The following IDH2 variants were observed in gnomAD, a reference collection of about 807,000 sequenced individuals.
IDH2 encodes isocitrate dehydrogenase (NADP(+)) 2, also known as isocitrate dehydrogenase [NADP], mitochondrial.
In IDH2, 18 loss-of-function variants were observed where a neutral mutation model predicts 50.5. The observed-to-expected ratio is 0.36, with a 90% CI of 0.25 to 0.53. The LOEUF (loss-of-function observed/expected upper bound fraction) is 0.53, where lower values mean the gene tolerates loss of function less well. Ranked by LOEUF, IDH2 falls within the 20% of genes least tolerant of loss-of-function variation. IDH2 has a pLI of 0.92. For synonymous variants in IDH2, 280 were observed against 239.8 expected (o/e 1.17, Z -1.55); for missense variants, 518 against 610.7 (o/e 0.85, Z 1.60).
chr15:90,084,280 G>C lies in IDH2; in HGVS notation c.1345C>G (p.Leu449Val). 1 of 1,613,980 alleles carries C rather than the reference G, an allele frequency of 6.2e-7. No homozygotes were observed. The highest frequency in any genetic ancestry group is 1.7e-4 in the Middle Eastern group (1 of 6,004). ...GGCGCCTCCCCCTACTGCCTGCCCAGGGCTCTGTCCAGGTTGCTCTTGATG... is the reference window on the plus strand; with the variant it reads ...GGCGCCTCCCCCTACTGCCTGCCCACGGCTCTGTCCAGGTTGCTCTTGATG... ...DTIKSNLDRA[L>V]GRQ Residue 449 changes from leucine (L) to valine (V), a missense_variant, in exon 11 of 11, where the codon CTG becomes GTG. By Grantham distance (32) the Leu-to-Val change is conservative (BLOSUM62 1). Transcript: ENST00000330062. The surrounding 1 kb of genome is among the most constrained non-coding windows in gnomAD (Gnocchi z 5.0).
Position 90,084,821 on chromosome 15 carries a change from G to A in IDH2, c.1266C>T (p.Leu422=), listed in dbSNP as rs202133711. 2.5e-6 allele frequency: 4 copies of A among 1,613,460 alleles called. No individual in the cohort carries two copies. In the African/African-American group the frequency reaches 4.0e-5, roughly 16 times the overall value. ...TACCACCCCAGGCCACGCACTTGCT[G>A]AGGCCGTGAATGCAGCCCGCCAGGT... ...TKDLAGCIHG[L]SNVKLNEHFL... is the part of the protein sequence containing the mutation. Residue 422 remains leucine (L), a synonymous_variant, in exon 10 of 11, where the codon CTC becomes CTT. Transcript: ENST00000330062. This position sits in a 1 kb window ranked among gnomAD's most constrained non-coding sequence, Gnocchi z 5.0.
At position 90,085,490 on chromosome 15, in the gene IDH2, G is replaced by T. The variant is rs528551726; in HGVS notation, c.968-103C>A. On this transcript the variant is annotated intron_variant, in intron 7 of 10. Transcript: ENST00000330062. This position sits in a 1 kb window ranked among gnomAD's most constrained non-coding sequence, Gnocchi z 5.5. ...CCCAATATTGTAGCTGCCATAGTTC[G>T]TGGCTCTACTCAGCCTCCCCCAGCT... 1.6e-5 allele frequency: 13 copies of T among 833,676 alleles called. No homozygotes were observed. The highest frequency in any genetic ancestry group is 2.4e-5 in the Non-Finnish European group (12 of 501,828). The allele number at this position is 833,676 out of a possible 1,614,324, so 51.6% of individuals were successfully genotyped here. A position where few individuals can be genotyped will look rare whatever the true frequency, so the allele number is the denominator to read the frequency against.
rs761847749 is a variant in IDH2 at position 90,087,260 on chromosome 15, G to A, written c.819C>T (p.His273=). 3.1e-6 allele frequency: 5 copies of A among 1,614,162 alleles called. No homozygotes were observed. The highest frequency in any genetic ancestry group is 1.3e-5 in the African/African-American group (1 of 75,038). The change falls in exon 7 of 11, where the codon CAC becomes CAT. Residue 273 remains histidine (H), a synonymous_variant. Coordinates refer to ENST00000330062, the MANE Select transcript of IDH2 (RefSeq NM_002168.4). Reference sequence around the variant, plus strand: ...TATTCTTGTCGAAGTCGGTCTTATAGTGCCTGGGAGTAAAAAGGTCTGTTA... The same window carrying A: ...TATTCTTGTCGAAGTCGGTCTTATAATGCCTGGGAGTAAAAAGGTCTGTTA... ...KDIFQEIFDK[H]YKTDFDKNKI... is the part of the protein sequence containing the mutation.
At position 90,098,666 on chromosome 15, in the gene IDH2, CCT is replaced by C. The variant is rs58918006; in HGVS notation, c.115+3608_115+3609del. On this transcript the variant is annotated intron_variant, in intron 1 of 10. Coordinates refer to ENST00000330062, the MANE Select transcript of IDH2 (RefSeq NM_002168.4). The surrounding 1 kb of genome is among the most constrained non-coding windows in gnomAD (Gnocchi z 5.1). ...TTCAGGCAATTCTCCTGCCTCAGCC[CCT>C]GAGTAGCTGGGACTACAGGCGCCTG... Among the ~76,000 whole-genome samples, 49,110 of 151,690 alleles carry C rather than the reference CCT, an allele frequency of 0.32. 9,040 individuals are homozygous for C. The highest frequency in any genetic ancestry group is 0.51 in the African/African-American group (20,888 of 41,266).
rs1035421248 is a variant in IDH2, at chr15:90,098,944, C to T, written c.115+3332G>A. ...CAGAAGCCACCCTCAGACAAGCCCA[C>T]CCTTGCCATAAGTGAGTGCCTGCTG... On this transcript the variant is annotated intron_variant, in intron 1 of 10. Transcript: ENST00000330062. The surrounding 1 kb of genome is among the most constrained non-coding windows in gnomAD (Gnocchi z 5.1). Among the ~76,000 whole-genome samples the T allele has an allele frequency of 2.6e-5, 4 of 152,148 alleles. No individual in the cohort carries two copies. Among genetic ancestry groups the T allele is most frequent in the Non-Finnish European group, 4.4e-5 (3 of 68,022 alleles).
intron 1 of IDH2, 116 bp from the exon 2 acceptor site, chr15:90,091,760 C>G: frequency 1.2e-6 from 1 of 850,052 alleles, no homozygotes; most frequent in Non-Finnish European, 2.0e-6. Flanking sequence ...AGGGCTCCAG[C>G]TGCCCGGTGT....
At chr15:90,093,676 A>G (rs1340843383) in intron 1 of IDH2, among the ~76,000 whole-genome samples, 1 of 152,054 alleles carries the variant, frequency 6.6e-6, no homozygotes. Flanking sequence ...CTGGAATGCA[A>G]TGGCGTGATC....
At chr15:90,092,038 G>A (rs1254765222) in intron 1 of IDH2, among the ~76,000 whole-genome samples, 3 of 152,148 alleles carry the variant, frequency 2.0e-5, no homozygotes, top group African/African-American at 7.2e-5. Context: ...TCTAATGCCT[G>A]ATGATCTGTC....
In IDH2 at chr15:90,087,462, G is replaced by T; in HGVS notation, c.792C>A (p.Asp264Glu). 6.2e-7 allele frequency: 1 copy of T among 1,614,204 alleles called. No individual in the cohort carries two copies. The highest frequency in any genetic ancestry group is 2.2e-5 in the East Asian group (1 of 44,884). ...ACTTGTCAAAGATCTCCTGGAAGAT[G>T]TCCTTGAAACGCCCATCGTAGGCTT... is the stretch of plus-strand genomic sequence containing the variant. ...ILKAYDGRFK[D>E]IFQEIFDKHY... The change falls in exon 6 of 11, where the codon GAC becomes GAA. Residue 264 changes from aspartate to glutamate, a missense_variant. By Grantham distance (45) the Asp-to-Glu change is conservative. Around this residue, in one of 5 missense-constraint regions of IDH2, gnomAD observed 207 missense variants for 208.6 expected, o/e 0.99. Transcript: ENST00000330062.
At chr15:90,101,137 G>T (rs1455935036) in intron 1 of IDH2, among the ~76,000 whole-genome samples, 1 of 152,040 alleles carries the variant, frequency 6.6e-6, no homozygotes, top group African/African-American at 2.4e-5. Flanking sequence ...TTTCTCCTTG[G>T]CAGGGAAGGT....
chr15:90,097,321 C>T (rs1490784901), intron 1 of IDH2, among the ~76,000 whole-genome samples: 2 of 152,124 alleles, frequency 1.3e-5, no homozygotes, highest in African/African-American at 4.8e-5. Flanking sequence ...TCTTACTGTT[C>T]CTAATTCATA....
At chr15:90,093,444 C>T (rs1429283256) in intron 1 of IDH2, among the ~76,000 whole-genome samples, 3 of 152,144 alleles carry the variant, frequency 2.0e-5, no homozygotes, top group Non-Finnish European at 4.4e-5. Context: ...TTGCGTGCAA[C>T]CCAAGAGCCC....
intron 1 of IDH2, among the ~76,000 whole-genome samples, chr15:90,101,920 TC>T (rs921505914): frequency 9.2e-5 from 14 of 151,700 alleles, no homozygotes; most frequent in African/African-American, 2.2e-4. Flanking sequence ...GGTGCTCGTC[TC>T]GTTCCAGGGG....
intron 1 of IDH2, among the ~76,000 whole-genome samples, chr15:90,093,855 G>C (rs1381527258): frequency 6.6e-6 from 1 of 152,124 alleles, no homozygotes; most frequent in African/African-American, 2.4e-5. Context: ...CCTAGCCTCA[G>C]GTGATCCACC....
rs571080145 is a variant in IDH2 at position 90,084,193 on chromosome 15, C to A, written c.*73G>T. The stretch of plus-strand genomic sequence containing the variant: ...TCCAGAGAGGGGCTGTGAGGCTCAC[C>A]CTCTGCCGCGCTCAGGAGGACCCGC... On this transcript the variant is annotated 3_prime_UTR_variant, in exon 11 of 11. Transcript: ENST00000330062. This position sits in a 1 kb window ranked among gnomAD's most constrained non-coding sequence, Gnocchi z 5.0. 5.6e-6 allele frequency: 7 copies of A among 1,244,950 alleles called. No homozygotes were observed. In the Admixed American group the frequency reaches 9.1e-5, roughly 16 times the overall value. The allele number at this position is 1,244,950 out of a possible 1,614,324, so 77.1% of individuals were successfully genotyped here.
intron 3 of IDH2, among the ~76,000 whole-genome samples, chr15:90,089,518 C>G (rs1900975879): frequency 6.6e-6 from 1 of 152,198 alleles, no homozygotes; most frequent in Non-Finnish European, 1.5e-5. Context: ...CTGTGACCCT[C>G]TCCTGCCTTG....
rs1900782188 is a variant in IDH2 at position 90,083,758 on chromosome 15, A to C, written c.*508T>G. The C allele has an allele frequency of 5.0e-6, 1 of 201,362 alleles. No individual in the cohort carries two copies. The highest frequency in any genetic ancestry group is 1.0e-5 in the Non-Finnish European group (1 of 95,912). The allele number at this position is 201,362 out of a possible 1,614,324, so 12.5% of individuals were successfully genotyped here. On this transcript the variant is annotated 3_prime_UTR_variant, in exon 11 of 11. Transcript: ENST00000330062. ...GACACAGAAACTGGATCATGCTAGA[A>C]AATTCCAGGGAACCCACAGGCCTGT...
At chr15:90,102,188 C>A (rs12912761) in intron 1 of IDH2, 88 bp downstream of exon 1, 12,269 of 497,366 alleles carry the variant, frequency 0.025, 175 homozygotes, top group Middle Eastern at 0.039. Flanking sequence ...TGCGGGCTGG[C>A]GGGACGTGCT....
rs1311148145 is a variant in IDH2, at chr15:90,091,653, A to T, written c.116-9T>A. ...GATCCTTTTGTCGGCATCTAGAAGC[A>T]GGGACACACAGCGCATCATGCCCCT... On this transcript the variant is annotated splice_polypyrimidine_tract_variant and intron_variant, in intron 1 of 10. Coordinates refer to ENST00000330062, the MANE Select transcript of IDH2 (RefSeq NM_002168.4). The T allele has an allele frequency of 6.2e-7, 1 of 1,611,786 alleles. No homozygotes were observed. Among genetic ancestry groups the T allele is most frequent in the Non-Finnish European group, 8.5e-7 (1 of 1,177,922 alleles).
Sources: allele counts gnomAD v4.1 joint callset (sites outside exome capture counted in the v4.1 genomes callset), GRCh38; gene constraint gnomAD v4.1.1; regional missense constraint gnomAD v4.1.1; non-coding constraint Gnocchi (gnomAD v3.1); transcripts MANE v1.5; gene names NCBI Gene and HGNC (gene_info 2026-07-23, HGNC 2026-07-21).